Variants in CCSER1 observed in about 807,000 individuals in gnomAD.
CCSER1 encodes serine-rich coiled-coil domain-containing protein 1.
CCSER1 carries 41 observed loss-of-function variants against 82.0 expected under a neutral mutation model. That is an observed-to-expected ratio of 0.50 (90% CI 0.39 to 0.65). The LOEUF is 0.65. Among genes scored for constraint, CCSER1 ranks in the 30% least tolerant of loss-of-function variants. The pLI is 0.00. For missense variants in CCSER1, 1,119 were observed against 1,064.2 expected, an observed-to-expected ratio of 1.05 and a Z score of -0.72; for synonymous variants, 414 against 383.9, an observed-to-expected ratio of 1.08 and a Z score of -0.92.
At chr4:91,443,724 A>G (rs1755368378) in intron 10 of CCSER1, among the ~76,000 whole-genome samples, 1 of 148,216 alleles carries the variant, frequency 6.7e-6, no homozygotes, top group South Asian at 2.1e-4. Flanking sequence ...TATAGAGAAA[A>G]CTATATGTAT....
At chr4:91,061,093 A>C (rs1743910456) in intron 9 of CCSER1, among the ~76,000 whole-genome samples, 1 of 152,010 alleles carries the variant, frequency 6.6e-6, no homozygotes, top group African/African-American at 2.4e-5. Context: ...TTTTATGCTC[A>C]TACTCCTAAA....
At chr4:90,722,082 A>ATT (rs1465805796) in intron 6 of CCSER1, among the ~76,000 whole-genome samples, 3 of 151,870 alleles carry the variant, frequency 2.0e-5, no homozygotes, top group Admixed American at 2.0e-4. Context: ...GGAGACCTCA[A>ATT]TCTTTAAAGT....
intron 10 of CCSER1, among the ~76,000 whole-genome samples, chr4:91,488,567 G>A (rs1758343365): frequency 6.6e-6 from 1 of 152,152 alleles, no homozygotes; most frequent in South Asian, 2.1e-4. Flanking sequence ...TCTCAGGATA[G>A]TGAGTGAGTT....
At chr4:90,258,121 T>C (rs1214238198) in intron 1 of CCSER1, among the ~76,000 whole-genome samples, 2 of 152,182 alleles carry the variant, frequency 1.3e-5, no homozygotes, top group Non-Finnish European at 2.9e-5. Flanking sequence ...CCAGACTCTA[T>C]AGCCAGATAA....
intron 10 of CCSER1, among the ~76,000 whole-genome samples, chr4:91,372,825 A>T (rs1453424649): frequency 6.6e-6 from 1 of 152,160 alleles, no homozygotes; most frequent in Non-Finnish European, 1.5e-5. Context: ...TGAGTAAGAG[A>T]CAAACCACCA....
At chr4:90,143,728 A>C (rs112765153) in intron 1 of CCSER1, among the ~76,000 whole-genome samples, 36 of 149,436 alleles carry the variant, frequency 2.4e-4, no homozygotes, top group African/African-American at 8.7e-4. Flanking sequence ...TCTGTCACCC[A>C]AGCTGGAGTG....
chr4:91,532,693 C>A (rs1045664966), intron 10 of CCSER1, among the ~76,000 whole-genome samples: 1 of 143,820 alleles, frequency 7.0e-6, no homozygotes, highest in Non-Finnish European at 1.5e-5. Flanking sequence ...ATGATGAAAC[C>A]CATTCTCTAC....
At chr4:90,958,811 A>G (rs1248870538) in intron 9 of CCSER1, among the ~76,000 whole-genome samples, 1 of 152,188 alleles carries the variant, frequency 6.6e-6, no homozygotes, top group Non-Finnish European at 1.5e-5. Context: ...TGTCAGAAAT[A>G]AATACTTGTT....
chr4:90,390,016 A>G (rs936404838), intron 3 of CCSER1, among the ~76,000 whole-genome samples: 1 of 152,162 alleles, frequency 6.6e-6, no homozygotes, highest in African/African-American at 2.4e-5. Context: ...ATATAATAAA[A>G]TCTAGATATA....
intron 10 of CCSER1, among the ~76,000 whole-genome samples, chr4:91,497,684 G>A (rs538008342): frequency 2.0e-5 from 3 of 151,832 alleles, no homozygotes; most frequent in East Asian, 1.9e-4. Context: ...TATTAAAATC[G>A]AAATTAGGAT....
chr4:91,507,457 A>G (rs1358750966), intron 10 of CCSER1, among the ~76,000 whole-genome samples: 8 of 151,872 alleles, frequency 5.3e-5, no homozygotes. Context: ...TAGACAGAGT[A>G]TCGCTCTGTT....
At chr4:90,187,810 CTG>C (rs1734889013) in intron 1 of CCSER1, among the ~76,000 whole-genome samples, 2 of 151,836 alleles carry the variant, frequency 1.3e-5, no homozygotes, top group African/African-American at 2.4e-5. Context: ...GGCTTTGTAT[CTG>C]TAATTACTGA....
intron 8 of CCSER1, among the ~76,000 whole-genome samples, chr4:90,820,230 C>CT (rs1255628828): frequency 6.6e-6 from 1 of 152,146 alleles, no homozygotes; most frequent in Non-Finnish European, 1.5e-5. Flanking sequence ...GTATTTTTCT[C>CT]TATTTGGGCA....
chr4:90,246,941 A>G (rs1721508579), intron 1 of CCSER1, among the ~76,000 whole-genome samples: 2 of 151,954 alleles, frequency 1.3e-5, no homozygotes. Flanking sequence ...TCTCTTTGAC[A>G]TATCCAAATG....
intron 7 of CCSER1, among the ~76,000 whole-genome samples, chr4:90,777,255 G>C (rs1753037299): frequency 6.6e-6 from 1 of 150,464 alleles, no homozygotes; most frequent in South Asian, 2.1e-4. Context: ...TACTTGGGGG[G>C]CTGAGGCAGG....
At chr4:91,342,305 C>A (rs1747773649) in intron 10 of CCSER1, among the ~76,000 whole-genome samples, 3 of 152,138 alleles carry the variant, frequency 2.0e-5, no homozygotes, top group Non-Finnish European at 4.4e-5. Context: ...TGATCTAAAG[C>A]TAGACATATT....
chr4:91,144,342 ATC>A (rs147023864), intron 10 of CCSER1, among the ~76,000 whole-genome samples: 2 of 150,300 alleles, frequency 1.3e-5, no homozygotes, highest in African/African-American at 4.9e-5. Flanking sequence ...GCATATTTGG[ATC>A]TCTCTTTTTT....
intron 9 of CCSER1, among the ~76,000 whole-genome samples, chr4:90,938,272 T>C (rs1220057212): frequency 1.3e-5 from 2 of 152,116 alleles, no homozygotes; most frequent in Non-Finnish European, 2.9e-5. Context: ...GCAAAAATAC[T>C]AGGACAGCCA....
intron 6 of CCSER1, among the ~76,000 whole-genome samples, chr4:90,656,209 C>T (rs950558280): frequency 6.6e-6 from 1 of 151,810 alleles, no homozygotes; most frequent in Admixed American, 6.6e-5. Context: ...AATAAAAGAT[C>T]TTTATTTCCA....
Sources: allele counts gnomAD v4.1 joint callset (sites outside exome capture counted in the v4.1 genomes callset), GRCh38; gene constraint gnomAD v4.1.1; transcripts MANE v1.5; gene names NCBI Gene and HGNC (gene_info 2026-07-23, HGNC 2026-07-21).